The following PCDHA5 variants were observed in gnomAD, a reference collection of about 807,000 sequenced individuals.
The protein encoded by PCDHA5 is protocadherin alpha-5.
A neutral mutation model predicts 61.6 loss-of-function variants in PCDHA5; 43 were observed. The observed-to-expected ratio is 0.70, with a 90% CI of 0.55 to 0.90. The LOEUF (loss-of-function observed/expected upper bound fraction) is 0.90, where lower values mean the gene tolerates loss of function less well. Ranked by LOEUF, PCDHA5 falls within the 40% of genes least tolerant of loss-of-function variation. The probability of loss-of-function intolerance (pLI) is 0.00; values close to 1 mark genes in which losing one functional copy is unlikely to be tolerated. For missense variants in PCDHA5, 1,298 were observed against 1,222.7 expected, an observed-to-expected ratio of 1.06 and a Z score of -0.92; for synonymous variants, 627 against 543.9, an observed-to-expected ratio of 1.15 and a Z score of -2.13.
At chr5:140,828,815 T>C (rs2150159326) in intron 1 of PCDHA5, 1 of 1,614,204 alleles carries the variant, frequency 6.2e-7, no homozygotes, top group South Asian at 1.1e-5. Context: ...TGCTCCCACT[T>C]TCGAACAGTC....
intron 1 of PCDHA5, among the ~76,000 whole-genome samples, chr5:140,898,221 T>C (rs1238265746): frequency 6.6e-6 from 1 of 152,230 alleles, no homozygotes; most frequent in South Asian, 2.1e-4. Flanking sequence ...ATTTTGGCTT[T>C]TGTTGCCATT....
intron 1 of PCDHA5, chr5:140,848,339 A>T (rs1554142071): frequency 4.5e-6 from 4 of 885,086 alleles, no homozygotes. Context: ...AATCCAGACA[A>T]ATACAGCCCT....
intron 1 of PCDHA5, chr5:140,868,880 A>G (rs1384235072): frequency 1.4e-6 from 1 of 698,244 alleles, no homozygotes; most frequent in Non-Finnish European, 2.3e-6. Flanking sequence ...CAGTACTCAC[A>G]GTTTTAGGCG....
chr5:140,853,323 A>T (rs191492772), intron 1 of PCDHA5: 1 of 984,966 alleles, frequency 1.0e-6, no homozygotes, highest in African/African-American at 1.8e-5. Context: ...TAATAAATTT[A>T]TCTTTTGAGG....
In PCDHA5 at chr5:140,968,189, T is replaced by G. The variant is rs181004208; in HGVS notation, c.2353-10760T>G. The G allele has an allele frequency of 2.2e-5, 35 of 1,614,034 alleles. No individual in the cohort carries two copies. The Admixed American group carries it at 4.2e-4, about 19-fold the overall frequency. On this transcript the variant is annotated intron_variant, in intron 1 of 3. Coordinates refer to ENST00000529859, the MANE Select transcript of PCDHA5 (RefSeq NM_018908.3). ...ACCAAGCTTCCTGGAGGACTCCTAT[T>G]CCATCTACATACAGGAGAACAATTT... is the stretch of plus-strand genomic sequence containing the variant.
At chr5:141,003,178 A>C (rs2098114996) in intron 3 of PCDHA5, among the ~76,000 whole-genome samples, 1 of 152,180 alleles carries the variant, frequency 6.6e-6, no homozygotes, top group East Asian at 1.9e-4. Context: ...CTGAGGCTCA[A>C]CTCCATCAAC....
In PCDHA5 at chr5:140,937,639, A is replaced by G. The variant is rs140444916; in HGVS notation, c.2353-41310A>G. On this transcript the variant is annotated intron_variant, in intron 1 of 3. Transcript: ENST00000529859. ...CTAAAAAGAAAAAGAAAGGCAGGGC[A>G]TGGTGGCTCACGCCTGTAATCCCAG... is the stretch of plus-strand genomic sequence containing the variant. 9.3e-5 allele frequency among the ~76,000 whole-genome samples: 14 copies of G among 151,094 alleles called. No individual in the cohort carries two copies. In the East Asian group the frequency reaches 1.8e-3, roughly 20 times the overall value.
At chr5:140,876,999 G>T (rs368334312) in intron 1 of PCDHA5, 2 of 1,612,546 alleles carry the variant, frequency 1.2e-6, no homozygotes, top group Non-Finnish European at 1.7e-6. Flanking sequence ...GCTACGTGTC[G>T]GTGCACGCGG....
intron 1 of PCDHA5, among the ~76,000 whole-genome samples, chr5:140,855,454 C>T (rs2043476507): frequency 6.7e-6 from 1 of 149,874 alleles, no homozygotes; most frequent in Non-Finnish European, 1.5e-5. Flanking sequence ...GAGTTATAAA[C>T]ACCTCACAGA....
chr5:140,843,258 G>A, intron 1 of PCDHA5: 1 of 1,596,068 alleles, frequency 6.3e-7, no homozygotes, highest in Middle Eastern at 1.7e-4. Context: ...CCGCGCCACC[G>A]TCTGCTGGTC....
At chr5:140,875,807 G>A in intron 1 of PCDHA5, 1 of 1,614,206 alleles carries the variant, frequency 6.2e-7, no homozygotes, top group South Asian at 1.1e-5. Flanking sequence ...ATCGTGGACA[G>A]GCCGCTGCAG....
intron 1 of PCDHA5, among the ~76,000 whole-genome samples, chr5:140,922,043 C>T (rs1305034895): frequency 6.6e-6 from 1 of 152,068 alleles, no homozygotes; most frequent in East Asian, 1.9e-4. Flanking sequence ...AATTTTCCCA[C>T]ATACCTTCAA....
intron 1 of PCDHA5, among the ~76,000 whole-genome samples, chr5:140,833,035 T>C (rs1192645027): frequency 2.6e-5 from 4 of 152,298 alleles, no homozygotes; most frequent in South Asian, 2.1e-4. Context: ...GAGAGTGTGA[T>C]ATAAAGCAAG....
In PCDHA5 at chr5:140,969,463, C is replaced by G. The variant is rs549074334; in HGVS notation, c.2353-9486C>G. ...CTGGTAAACTGAGTATATATAGTAT[C>G]CACAATTTGATCATAATCTGCTATT... On this transcript the variant is annotated intron_variant, in intron 1 of 3. Coordinates refer to ENST00000529859, the MANE Select transcript of PCDHA5 (RefSeq NM_018908.3). 74 of 1,491,016 alleles carry G rather than the reference C, an allele frequency of 5.0e-5. No homozygotes were observed. In the South Asian group the frequency reaches 6.0e-4, roughly 12 times the overall value. The allele number at this position is 1,491,016 out of a possible 1,614,324, so 92.4% of individuals were successfully genotyped here.
At chr5:140,841,138 C>T (rs2150311495) in intron 1 of PCDHA5, 1 of 713,754 alleles carries the variant, frequency 1.4e-6, no homozygotes, top group Non-Finnish European at 2.3e-6. Context: ...TTTGAAGCCA[C>T]ATGATGTCGC....
Position 140,857,393 on chromosome 5 carries a change from G to A in PCDHA5, c.2352+33266G>A, listed in dbSNP as rs146099067. 164 of 1,598,378 alleles carry A rather than the reference G, an allele frequency of 1.0e-4. 11 individuals are homozygous for A. Among genetic ancestry groups the A allele is most frequent in the Non-Finnish European group, 1.3e-4 (157 of 1,167,892 alleles). ...GTCTGTGGAGGTGGCCGACGTGAAC[G>A]ACAACGCGCCTGCGTTCGCGCAGTC... On this transcript the variant is annotated intron_variant, in intron 1 of 3. Coordinates refer to ENST00000529859, the MANE Select transcript of PCDHA5 (RefSeq NM_018908.3).
At chr5:140,916,163 C>G (rs546851152) in intron 1 of PCDHA5, among the ~76,000 whole-genome samples, 1 of 152,066 alleles carries the variant, frequency 6.6e-6, no homozygotes, top group African/African-American at 2.4e-5. Context: ...TGAATGCTGC[C>G]AGGCCTGGGA....
intron 1 of PCDHA5, among the ~76,000 whole-genome samples, chr5:140,947,178 C>T (rs1356075084): frequency 6.6e-6 from 1 of 151,188 alleles, no homozygotes. Context: ...GGTATATATT[C>T]ATGGTATACT....
intron 1 of PCDHA5, among the ~76,000 whole-genome samples, chr5:140,889,404 G>A (rs565254911): frequency 2.0e-5 from 3 of 151,972 alleles, no homozygotes; most frequent in South Asian, 2.1e-4. Context: ...TAATTTACTC[G>A]AGTCAGTTAC....
Sources: allele counts gnomAD v4.1 joint callset (sites outside exome capture counted in the v4.1 genomes callset), GRCh38; gene constraint gnomAD v4.1.1; transcripts MANE v1.5; gene names NCBI Gene and HGNC (gene_info 2026-07-23, HGNC 2026-07-21).